MAPK9: variants seen among roughly 807,000 people sequenced by gnomAD.
MAPK9 encodes mitogen-activated protein kinase 9, also known as Jun kinase.
MAPK9 carries 30 observed loss-of-function variants against 57.1 expected under a neutral mutation model. The ratio of observed to expected loss-of-function variants is 0.53; its 90% CI spans 0.39 to 0.71. The LOEUF is 0.71. Among genes scored for constraint, MAPK9 ranks in the 30% least tolerant of loss-of-function variants. The probability of loss-of-function intolerance (pLI) is 0.00; values close to 1 mark genes in which losing one functional copy is unlikely to be tolerated. For synonymous variants in MAPK9, 155 were observed against 177.0 expected (o/e 0.88, Z 0.99); for missense variants, 362 against 521.0 (o/e 0.69, Z 2.97).
chr5:180,240,950 G>A (rs189935590), intron 9 of MAPK9, 81 bp downstream of exon 9: 11 of 1,444,868 alleles, frequency 7.6e-6, no homozygotes, highest in Non-Finnish European at 1.0e-5. Context: ...CCCATATGTA[G>A]CCACTCTGGA....
intron 2 of MAPK9, among the ~76,000 whole-genome samples, chr5:180,271,904 G>T (rs761538627): frequency 1.3e-5 from 2 of 152,046 alleles, no homozygotes; most frequent in Non-Finnish European, 2.9e-5. Context: ...ATAAATAATA[G>T]ATTTTATTAC....
Position 180,235,454 on chromosome 5 carries a change from T to C in MAPK9, c.*930A>G, listed in dbSNP as rs1170478656. The stretch of plus-strand genomic sequence containing the variant: ...TGACTGCAGTGATCTCTAGTGAGCA[T>C]TTTGTAAAATTCCACTCCAACGTTA... On this transcript the variant is annotated 3_prime_UTR_variant, in exon 12 of 12. Coordinates refer to ENST00000452135, the MANE Select transcript of MAPK9 (RefSeq NM_002752.5). The C allele has an allele frequency of 2.0e-5, 3 of 152,202 alleles. No homozygotes were observed. Among genetic ancestry groups the C allele is most frequent in the Non-Finnish European group, 4.4e-5 (3 of 68,040 alleles). The allele number at this position is 152,202 out of a possible 1,614,324, so 9.4% of individuals were successfully genotyped here. A position where few individuals can be genotyped will look rare whatever the true frequency, so the allele number is the denominator to read the frequency against.
intron 2 of MAPK9, among the ~76,000 whole-genome samples, chr5:180,270,991 T>G (rs1471750201): frequency 6.6e-6 from 1 of 152,124 alleles, no homozygotes; most frequent in Non-Finnish European, 1.5e-5. Flanking sequence ...CTGTGAGATA[T>G]GGTGACTGCA....
chr5:180,255,268 C>G (rs1581212158), intron 5 of MAPK9, among the ~76,000 whole-genome samples: 1 of 152,026 alleles, frequency 6.6e-6, no homozygotes. Flanking sequence ...GAGGATGCGT[C>G]CCACCAAAAC....
At chr5:180,248,762 A>C (rs1758377379) in intron 6 of MAPK9, among the ~76,000 whole-genome samples, 1 of 152,234 alleles carries the variant, frequency 6.6e-6, no homozygotes, top group South Asian at 2.1e-4. Context: ...TTCAAAAATA[A>C]CAATTTTAAA....
Position 180,238,400 on chromosome 5 carries a change from A to G in MAPK9, c.1064T>C (p.Leu355Pro). ...CCAATCCATGACTTCTTTGTAAATT[A>G]GCTCTTTAATAAAAATACAAGTTAA... ...REHAIEEWKELIYKEVMDWEE... is the reference protein window; with the variant it reads ...REHAIEEWKEPIYKEVMDWEE... Residue 355 changes from leucine to proline, a missense_variant, in exon 11 of 12, where the codon CTA becomes CCA. Physicochemically the swap from Leu to Pro is moderately conservative, Grantham distance 98. This residue lies in a region of MAPK9 where 199 missense variants were observed against 251.3 expected (regional missense o/e 0.79). Transcript: ENST00000452135. The G allele has an allele frequency of 6.2e-7, 1 of 1,603,280 alleles. No homozygotes were observed. The highest frequency in any genetic ancestry group is 1.1e-5 in the South Asian group (1 of 90,730).
At chr5:180,280,095 TGAA>T in intron 2 of MAPK9, 1 of 458,542 alleles carries the variant, frequency 2.2e-6, no homozygotes, top group Non-Finnish European at 4.4e-6. Context: ...GTGGCCATGA[TGAA>T]GAAATGAATA....
At chr5:180,244,970 G>A (rs1241710527) in intron 7 of MAPK9, among the ~76,000 whole-genome samples, 1 of 152,110 alleles carries the variant, frequency 6.6e-6, no homozygotes, top group African/African-American at 2.4e-5. Flanking sequence ...ATCTCCTCAT[G>A]TGAATGAGCC....
chr5:180,273,264 AT>A (rs1392486439), intron 2 of MAPK9, among the ~76,000 whole-genome samples: 3 of 151,412 alleles, frequency 2.0e-5, no homozygotes, highest in Admixed American at 1.3e-4. Context: ...TGAACAAGAG[AT>A]TTTTTTTCAG....
rs1757011122 is a variant in MAPK9, at chr5:180,234,074, T to C, written c.*2310A>G. ...GTTTCCTTCTTGGCTGGAAACTAAG[T>C]CAACAAATGAAACAAACCTAGTCTA... On this transcript the variant is annotated 3_prime_UTR_variant, in exon 12 of 12. Transcript: ENST00000452135. The C allele has an allele frequency of 6.6e-6, 1 of 152,184 alleles. No homozygotes were observed. The highest frequency in any genetic ancestry group is 1.5e-5 in the Non-Finnish European group (1 of 68,044). The allele number at this position is 152,184 out of a possible 1,614,324, so 9.4% of individuals were successfully genotyped here.
intron 2 of MAPK9, among the ~76,000 whole-genome samples, chr5:180,273,621 G>A (rs6876566): frequency 0.022 from 3,377 of 152,276 alleles, 114 homozygotes; most frequent in African/African-American, 0.078. Context: ...TAGCTTTACT[G>A]GCTTGCCTTA....
intron 5 of MAPK9, among the ~76,000 whole-genome samples, 161 bp from the exon 6 acceptor site, chr5:180,249,299 AAAAC>A (rs1183897737): frequency 1.3e-5 from 2 of 152,194 alleles, no homozygotes; most frequent in Non-Finnish European, 2.9e-5. Context: ...AATTGAAACT[AAAAC>A]AAATCAGCCT....
intron 7 of MAPK9, among the ~76,000 whole-genome samples, chr5:180,245,351 C>T (rs1758000760): frequency 6.6e-6 from 1 of 152,198 alleles, no homozygotes; most frequent in Non-Finnish European, 1.5e-5. Context: ...GCTCTGTTCT[C>T]CTGCTCTGCC....
At chr5:180,290,753 G>C (rs992478210) in intron 1 of MAPK9, among the ~76,000 whole-genome samples, 9 of 152,336 alleles carry the variant, frequency 5.9e-5, no homozygotes, top group African/African-American at 2.2e-4. Flanking sequence ...AACAGATAAA[G>C]CAGAGACAAC....
chr5:180,241,305 T>C lies in MAPK9; in HGVS notation c.872-150A>G, dbSNP rs34323902. 16 of 224,306 alleles carry C rather than the reference T, an allele frequency of 7.1e-5. No homozygotes were observed. The East Asian group carries it at 1.7e-3, about 23-fold the overall frequency. The allele number at this position is 224,306 out of a possible 1,614,324, so 13.9% of individuals were successfully genotyped here. Reference sequence around the variant, plus strand: ...GGTTCAAGATGAATATAACCCAAAATTTTTTTTTTTTTTTTCGGAGACGGA... The same window carrying C: ...GGTTCAAGATGAATATAACCCAAAACTTTTTTTTTTTTTTTCGGAGACGGA... On this transcript the variant is annotated intron_variant, in intron 8 of 11. Coordinates refer to ENST00000452135, the MANE Select transcript of MAPK9 (RefSeq NM_002752.5).
intron 1 of MAPK9, among the ~76,000 whole-genome samples, chr5:180,291,394 C>T (rs1365592824): frequency 6.6e-6 from 1 of 152,208 alleles, no homozygotes; most frequent in Non-Finnish European, 1.5e-5. Flanking sequence ...AGATGCACAC[C>T]GGGGTCCTGC....
intron 8 of MAPK9, among the ~76,000 whole-genome samples, chr5:180,241,473 A>AT (rs1161076042): frequency 2.0e-5 from 3 of 151,732 alleles, no homozygotes; most frequent in Non-Finnish European, 4.4e-5. Flanking sequence ...AATTTTTTGT[A>AT]TTTTTTTAGT....
At chr5:180,277,148 G>A (rs1003222587) in intron 2 of MAPK9, among the ~76,000 whole-genome samples, 9 of 152,338 alleles carry the variant, frequency 5.9e-5, no homozygotes, top group African/African-American at 2.2e-4. Context: ...TCTCAAAAAT[G>A]TAGAAATACA....
At chr5:180,246,444 AC>A (rs35041789) in intron 7 of MAPK9, 1 of 152,338 alleles carries the variant, frequency 6.6e-6, no homozygotes, top group East Asian at 1.9e-4. Context: ...TTATAAGGAG[AC>A]CACTTTGATA....
Sources: allele counts gnomAD v4.1 joint callset (sites outside exome capture counted in the v4.1 genomes callset), GRCh38; gene constraint gnomAD v4.1.1; regional missense constraint gnomAD v4.1.1; transcripts MANE v1.5; gene names NCBI Gene and HGNC (gene_info 2026-07-23, HGNC 2026-07-21).